RIIAD1: variants seen among roughly 807,000 people sequenced by gnomAD.
RIIAD1 encodes regulatory subunit of type II PKA R-subunit domain containing 1.
In RIIAD1, 15 loss-of-function variants were observed where a neutral mutation model predicts 13.3. The observed-to-expected ratio is 1.13, with a 90% CI of 0.76 to 1.74. The LOEUF is 1.74. RIIAD1 is among the 40% of genes most tolerant of loss of function. RIIAD1 has a pLI of 0.00. For missense variants in RIIAD1, 121 were observed against 112.2 expected (o/e 1.08, Z -0.35); for synonymous variants, 50 against 43.3 (o/e 1.16, Z -0.61).
At chr1:151,721,464 G>T, upstream of RIIAD1, 1 of 933,774 alleles carries the variant, frequency 1.1e-6, no homozygotes, top group East Asian at 3.3e-5. Flanking sequence ...AAGGGGCCGG[G>T]CTTGGGGGCA....
chr1:151,724,543 C>T (rs1409433373), intron 2 of RIIAD1, among the ~76,000 whole-genome samples: 1 of 152,212 alleles, frequency 6.6e-6, no homozygotes, highest in Non-Finnish European at 1.5e-5. Context: ...TGATACATTC[C>T]AAGCCAAAAG....
intron 3 of RIIAD1, 128 bp from the exon 4 acceptor site, chr1:151,728,638 G>A: frequency 1.5e-6 from 1 of 669,796 alleles, no homozygotes; most frequent in South Asian, 1.6e-5. Flanking sequence ...GTAAAGCAGG[G>A]CCACCAGTAG....
intron 4 of RIIAD1, chr1:151,714,726 C>T (rs1673322110): frequency 2.3e-6 from 3 of 1,288,180 alleles, no homozygotes; most frequent in East Asian, 5.0e-5. Flanking sequence ...AGTCCTCCAT[C>T]TCCCCTCTCT....
intron 4 of RIIAD1, among the ~76,000 whole-genome samples, chr1:151,715,211 T>C (rs2101487945): frequency 6.6e-6 from 1 of 152,138 alleles, no homozygotes; most frequent in South Asian, 2.1e-4. Context: ...GTGTGGCCCC[T>C]GGGATCCCCG....
upstream of RIIAD1, chr1:151,719,485 T>G: frequency 8.4e-6 from 5 of 594,618 alleles, no homozygotes; most frequent in Non-Finnish European, 6.0e-6. Context: ...TCTTAGGAAA[T>G]GAGAAATGCT....
upstream of RIIAD1, chr1:151,721,484 C>A (rs1053546290): frequency 5.3e-6 from 6 of 1,129,708 alleles, no homozygotes; most frequent in South Asian, 2.5e-5. Context: ...AGGGCGGGGC[C>A]GGGGGCGGGG....
chr1:151,718,045 A>G (rs1346194937), upstream of RIIAD1, among the ~76,000 whole-genome samples: 1 of 152,018 alleles, frequency 6.6e-6, no homozygotes, highest in Non-Finnish European at 1.5e-5. Flanking sequence ...TCTTCCTGTC[A>G]TTCCCTTCTT....
At chr1:151,716,383 A>G in intron 4 of RIIAD1, 1 of 273,570 alleles carries the variant, frequency 3.7e-6, no homozygotes, top group Non-Finnish European at 7.1e-6. Context: ...GGGAACTGGG[A>G]GTTGAGATGA....
At chr1:151,725,382 T>C (rs1673812833) in intron 2 of RIIAD1, among the ~76,000 whole-genome samples, 1 of 152,286 alleles carries the variant, frequency 6.6e-6, no homozygotes, top group African/African-American at 2.4e-5. Context: ...AGTGCTGGGA[T>C]TACAAATACA....
At chr1:151,725,973 CTT>C (rs1187507620) in intron 2 of RIIAD1, among the ~76,000 whole-genome samples, 1 of 152,212 alleles carries the variant, frequency 6.6e-6, no homozygotes, top group Non-Finnish European at 1.5e-5. Context: ...ACAGATGCCT[CTT>C]GAGTGCTCTT....
At chr1:151,712,846 T>G (rs1673137488) in intron 2 of RIIAD1, among the ~76,000 whole-genome samples, 1 of 151,918 alleles carries the variant, frequency 6.6e-6, no homozygotes, top group Non-Finnish European at 1.5e-5. Context: ...GGCATGGAGA[T>G]TAAACAGTAG....
At chr1:151,715,474 A>T (rs1673398437) in intron 4 of RIIAD1, 7 of 555,640 alleles carry the variant, frequency 1.3e-5, no homozygotes, top group Non-Finnish European at 2.2e-5. Flanking sequence ...CCTGACCCCC[A>T]TCCCAATATT....
intron 4 of RIIAD1, chr1:151,715,864 C>G: frequency 6.2e-7 from 1 of 1,608,778 alleles, no homozygotes; most frequent in Non-Finnish European, 8.5e-7. Context: ...TTCAGCCTGC[C>G]CGACCCCTCA....
At chr1:151,715,119 G>A (rs1163943513) in intron 4 of RIIAD1, among the ~76,000 whole-genome samples, 1 of 152,088 alleles carries the variant, frequency 6.6e-6, no homozygotes, top group Non-Finnish European at 1.5e-5. Flanking sequence ...GTGGAGGACG[G>A]AGAGTGAAAT....
At chr1:151,721,723 G>T in intron 1 of RIIAD1, 103 bp downstream of exon 1, 1 of 648,358 alleles carries the variant, frequency 1.5e-6, no homozygotes. Context: ...GGGAGCGGGA[G>T]CCTGTTCCCT....
chr1:151,728,642 C>T, intron 3 of RIIAD1, 124 bp from the exon 4 acceptor site: 1 of 675,682 alleles, frequency 1.5e-6, no homozygotes, highest in South Asian at 1.6e-5. Flanking sequence ...AGCAGGGCCA[C>T]CAGTAGTAGC....
chr1:151,716,900 A>G, upstream of RIIAD1: 1 of 409,828 alleles, frequency 2.4e-6, no homozygotes, highest in South Asian at 1.8e-5. Context: ...TACCCTGGAG[A>G]GGGACGCACA....
chr1:151,721,987 G>A (rs1673745083), intron 1 of RIIAD1, 99 bp from the exon 2 acceptor site: 1 of 821,788 alleles, frequency 1.2e-6, no homozygotes, highest in South Asian at 1.5e-5. Flanking sequence ...AAAGACTTGG[G>A]TTAAATGCGC....
chr1:151,719,220 C>T (rs114965289), upstream of RIIAD1, among the ~76,000 whole-genome samples: 2,368 of 152,098 alleles, frequency 0.016, 70 homozygotes, highest in African/African-American at 0.054. Flanking sequence ...TGCTGAGTGA[C>T]GGTGAACACA....
Sources: gnomAD v4.1 joint callset for allele counts (sites outside exome capture counted in the v4.1 genomes callset) on GRCh38, gnomAD v4.1.1 for gene constraint, MANE v1.5 for transcripts, NCBI Gene and HGNC (gene_info 2026-07-23, HGNC 2026-07-21) for gene names.